Variants in ATP8A1 observed in about 807,000 individuals in gnomAD.
ATP8A1 encodes the protein ATPase phospholipid transporting 8A1.
In ATP8A1, 90 loss-of-function variants were observed where a neutral mutation model predicts 177.7. That is an observed-to-expected ratio of 0.51 (90% CI 0.43 to 0.60). ATP8A1 has a LOEUF of 0.60. ATP8A1 is among the 20% of genes least tolerant of loss of function. The pLI is 0.00. For missense variants in ATP8A1, 1,072 were observed against 1,392.8 expected, an observed-to-expected ratio of 0.77 and a Z score of 3.67; for synonymous variants, 493 against 485.9, an observed-to-expected ratio of 1.01 and a Z score of -0.19.
chr4:42,653,527 T>C (rs374794574), intron 1 of ATP8A1, among the ~76,000 whole-genome samples: 2 of 152,250 alleles, frequency 1.3e-5, no homozygotes, highest in South Asian at 4.1e-4. Flanking sequence ...CTAATACTAA[T>C]TCTGACTTTT....
intron 22 of ATP8A1, among the ~76,000 whole-genome samples, chr4:42,510,214 A>G (rs1724872574): frequency 6.6e-6 from 1 of 152,226 alleles, no homozygotes; most frequent in Non-Finnish European, 1.5e-5. Flanking sequence ...AGTGTATAAT[A>G]TATAATACAG....
intron 16 of ATP8A1, among the ~76,000 whole-genome samples, chr4:42,554,050 A>AG: frequency 6.6e-6 from 1 of 152,364 alleles, no homozygotes; most frequent in East Asian, 1.9e-4. Flanking sequence ...GGCAGGGGCC[A>AG]GATCATGTTA....
chr4:42,574,809 T>G (rs969314182), intron 13 of ATP8A1, 102 bp from the exon 14 acceptor site: 4 of 715,562 alleles, frequency 5.6e-6, no homozygotes, highest in Non-Finnish European at 9.2e-6. Context: ...AGGGGCACAA[T>G]GAATATTACT....
In ATP8A1 at chr4:42,484,237, G is replaced by A. The variant is rs936276853; in HGVS notation, c.2324+1259C>T. On this transcript the variant is annotated intron_variant, in intron 25 of 36. Coordinates refer to ENST00000381668, the MANE Select transcript of ATP8A1 (RefSeq NM_006095.2). ...TAAAAATGAGTCAAAATAATTTCCA[G>A]TCTCTTTATGATTAAGCAAAGAGCC... Among the ~76,000 whole-genome samples, 4 of 152,234 alleles carry A rather than the reference G, an allele frequency of 2.6e-5. No individual in the cohort carries two copies. The East Asian group carries it at 5.8e-4, about 22-fold the overall frequency.
At chr4:42,645,548 C>T (rs1740444409) in intron 1 of ATP8A1, among the ~76,000 whole-genome samples, 1 of 152,182 alleles carries the variant, frequency 6.6e-6, no homozygotes, top group Non-Finnish European at 1.5e-5. Flanking sequence ...CTGATTCCAT[C>T]GTTCTGGGAT....
At chr4:42,471,319 C>T (rs531132257) in intron 25 of ATP8A1, among the ~76,000 whole-genome samples, 1 of 152,172 alleles carries the variant, frequency 6.6e-6, no homozygotes, top group Non-Finnish European at 1.5e-5. Context: ...CATAGGCATT[C>T]AGGAGACCTT....
chr4:42,594,313 G>A (rs1734501843), intron 6 of ATP8A1: 9 of 1,603,042 alleles, frequency 5.6e-6, no homozygotes, highest in Non-Finnish European at 6.8e-6. Flanking sequence ...TACAGTGTCA[G>A]CAGGTATATA....
chr4:42,612,456 G>C (rs905763525), intron 5 of ATP8A1, among the ~76,000 whole-genome samples: 1 of 146,816 alleles, frequency 6.8e-6, no homozygotes, highest in Non-Finnish European at 1.5e-5. Context: ...AAAAACACTG[G>C]AGCAAAGAGA....
Position 42,655,659 on chromosome 4 carries a change from T to C in ATP8A1, c.49+1166A>G, listed in dbSNP as rs577986540. The stretch of plus-strand genomic sequence containing the variant: ...TTCCTATGTAGTACACAGGCCAGTT[T>C]TGAATCTTGCTTCGTCTTCTCCCCA... On this transcript the variant is annotated intron_variant, in intron 1 of 36. Transcript: ENST00000381668. Among the ~76,000 whole-genome samples the C allele has an allele frequency of 3.0e-3, 461 of 152,358 alleles. 1 individual carries two copies. Among genetic ancestry groups the C allele is most frequent in the Middle Eastern group, 0.014 (4 of 294 alleles).
chr4:42,558,165 A>G (rs2153214109), intron 15 of ATP8A1, among the ~76,000 whole-genome samples: 1 of 152,358 alleles, frequency 6.6e-6, no homozygotes, highest in South Asian at 2.1e-4. Flanking sequence ...CCAAAATTTT[A>G]CAAAATATTT....
At chr4:42,497,799 A>T (rs935002300) in intron 24 of ATP8A1, among the ~76,000 whole-genome samples, 6 of 152,308 alleles carry the variant, frequency 3.9e-5, no homozygotes, top group African/African-American at 1.4e-4. Flanking sequence ...TTTTTTGGTA[A>T]TGTTTACACT....
At chr4:42,612,385 G>T (rs1404490207) in intron 5 of ATP8A1, among the ~76,000 whole-genome samples, 1 of 148,776 alleles carries the variant, frequency 6.7e-6, no homozygotes, top group Non-Finnish European at 1.5e-5. Context: ...ACAAAGCTGA[G>T]TAAGAGTTGG....
rs549415684 is a variant in ATP8A1, at chr4:42,573,524, G to A, written c.1295+1095C>T. Among the ~76,000 whole-genome samples, 8 of 152,304 alleles carry A rather than the reference G, an allele frequency of 5.3e-5. 1 individual carries two copies. In the East Asian group the frequency reaches 1.3e-3, roughly 26 times the overall value. On this transcript the variant is annotated intron_variant, in intron 14 of 36. Coordinates refer to ENST00000381668, the MANE Select transcript of ATP8A1 (RefSeq NM_006095.2). ...AGATGAAAAACAGCATCCAGCCCGG[G>A]AAGCAGTAAGTATGCTTCTTAAATC...
rs5857852 is a variant in ATP8A1, at chr4:42,571,463, AT to A, written c.1296-2259del. Among the ~76,000 whole-genome samples the A allele has an allele frequency of 7.2e-3, 1,025 of 142,626 alleles. 4 individuals are homozygous for A. The highest frequency in any genetic ancestry group is 0.019 in the East Asian group (93 of 4,920). 93.6% of individuals were successfully genotyped at this position (142,626 alleles called of 152,430 possible). On this transcript the variant is annotated intron_variant, in intron 14 of 36. Transcript: ENST00000381668. Reference sequence around the variant, plus strand: ...ATCCAACTTATTCTAAAAGGTCTAAATTTTTTTTTTTTTTTTTTACAAAGAT... The same window carrying A: ...ATCCAACTTATTCTAAAAGGTCTAAATTTTTTTTTTTTTTTTTACAAAGAT...
intron 20 of ATP8A1, among the ~76,000 whole-genome samples, chr4:42,533,974 A>G (rs1401690298): frequency 6.6e-6 from 1 of 152,138 alleles, no homozygotes; most frequent in Non-Finnish European, 1.5e-5. Flanking sequence ...AGGAAGGGGG[A>G]GAACACCAAA....
intron 15 of ATP8A1, chr4:42,562,037 C>T (rs1170875858): frequency 3.9e-5 from 6 of 152,152 alleles, no homozygotes; most frequent in Non-Finnish European, 5.9e-5. Context: ...TTTAAGTTAA[C>T]GTAATTTTGA....
chr4:42,592,469 T>G (rs557734254), intron 6 of ATP8A1, among the ~76,000 whole-genome samples: 136 of 152,160 alleles, frequency 8.9e-4, no homozygotes, highest in African/African-American at 3.2e-3. Flanking sequence ...TATCTTCACA[T>G]TTTTGAGCAT....
intron 8 of ATP8A1, among the ~76,000 whole-genome samples, chr4:42,587,428 C>T (rs1340632237): frequency 3.3e-5 from 5 of 151,474 alleles, no homozygotes; most frequent in African/African-American, 1.2e-4. Flanking sequence ...CTGCCTTGGC[C>T]TCCTGAGTAG....
chr4:42,605,200 C>T (rs897723870), intron 5 of ATP8A1, among the ~76,000 whole-genome samples: 1 of 152,138 alleles, frequency 6.6e-6, no homozygotes, highest in African/African-American at 2.4e-5. Flanking sequence ...AAAATAGCTA[C>T]AGAAAAAGAT....
Sources: gnomAD v4.1 joint callset for allele counts (sites outside exome capture counted in the v4.1 genomes callset) on GRCh38, gnomAD v4.1.1 for gene constraint, MANE v1.5 for transcripts, NCBI Gene and HGNC (gene_info 2026-07-23, HGNC 2026-07-21) for gene names.